GOLGA4: variants seen among roughly 807,000 people sequenced by gnomAD.
The protein encoded by GOLGA4 is golgin subfamily A member 4.
Under a neutral mutation model 265.9 loss-of-function variants are expected in GOLGA4, and 169 were observed. That is an observed-to-expected ratio of 0.64 (90% CI 0.56 to 0.72). The LOEUF (loss-of-function observed/expected upper bound fraction) is 0.72. GOLGA4 is among the 30% of genes least tolerant of loss of function. The pLI is 0.00. For missense variants in GOLGA4, 2,482 were observed against 2,483.4 expected (o/e 1.00, Z 0.01); for synonymous variants, 923 against 855.8 (o/e 1.08, Z -1.37).
At chr3:37,254,166 C>G (rs2096741811) in intron 2 of GOLGA4, among the ~76,000 whole-genome samples, 1 of 152,136 alleles carries the variant, frequency 6.6e-6, no homozygotes, top group Non-Finnish European at 1.5e-5. Context: ...AACATTACAA[C>G]TCAGTACTGC....
chr3:37,272,752 A>C (rs775103536), intron 2 of GOLGA4, among the ~76,000 whole-genome samples: 2 of 152,216 alleles, frequency 1.3e-5, no homozygotes, highest in Non-Finnish European at 2.9e-5. Flanking sequence ...TAACTACTGA[A>C]ACATAGTGGT....
chr3:37,328,321 G>A (rs1333322907), intron 14 of GOLGA4, 95 bp from the exon 15 acceptor site: 3 of 1,151,830 alleles, frequency 2.6e-6, no homozygotes, highest in Non-Finnish European at 3.7e-6. Context: ...TTCATACAAT[G>A]AACTCATACT....
chr3:37,306,561 G>A (rs962934269), intron 10 of GOLGA4, among the ~76,000 whole-genome samples: 1 of 151,000 alleles, frequency 6.6e-6, no homozygotes, highest in African/African-American at 2.4e-5. Flanking sequence ...ATAGGAGATA[G>A]GGGTAGCTAA....
intron 5 of GOLGA4, 147 bp from the exon 6 acceptor site, chr3:37,294,829 TTAA>T: frequency 1.8e-6 from 1 of 550,962 alleles, no homozygotes; most frequent in Non-Finnish European, 3.3e-6. Flanking sequence ...TTAAATAATG[TTAA>T]TGTTTTACAT....
chr3:37,281,475 A>C (rs553236849), intron 2 of GOLGA4, among the ~76,000 whole-genome samples: 168 of 152,304 alleles, frequency 1.1e-3, no homozygotes, highest in Non-Finnish European at 1.9e-3. Context: ...TACCATGTCC[A>C]TAAAGACCCT....
At chr3:37,273,560 TCTC>T in intron 2 of GOLGA4, 1 of 1,514,962 alleles carries the variant, frequency 6.6e-7, no homozygotes, top group South Asian at 1.2e-5. Context: ...TGCCTCGAAA[TCTC>T]CTGACAGTGT....
chr3:37,315,449 A>G lies in GOLGA4; in HGVS notation c.1264A>G (p.Thr422Ala). Residue 422 changes from threonine to alanine, a missense_variant, in exon 11 of 24, where the codon ACA becomes GCA. Transcript: ENST00000361924. ...AFEELEKALS[T>A]AQKTEEARRK... ...TGAGGAACTTGAAAAAGCTTTGAGT[A>G]CAGCCCAAAAAACAGAGGAAGCACG... 1.9e-6 allele frequency: 3 copies of G among 1,613,892 alleles called. No individual in the cohort carries two copies. Among genetic ancestry groups the G allele is most frequent in the South Asian group, 1.1e-5 (1 of 91,050 alleles).
At chr3:37,265,034 A>G (rs1028260972) in intron 2 of GOLGA4, among the ~76,000 whole-genome samples, 1 of 152,086 alleles carries the variant, frequency 6.6e-6, no homozygotes. Flanking sequence ...ACCATAGTAC[A>G]CTGTCCAAAC....
chr3:37,323,318 G>C (rs1435829371), intron 13 of GOLGA4, among the ~76,000 whole-genome samples: 1 of 151,980 alleles, frequency 6.6e-6, no homozygotes, highest in Non-Finnish European at 1.5e-5. Context: ...GGTAGAGACA[G>C]GGCTTTGCCA....
intron 23 of GOLGA4, 139 bp from the exon 24 acceptor site, chr3:37,365,941 G>T: frequency 1.7e-6 from 1 of 589,174 alleles, no homozygotes. Context: ...CCTTATTTCT[G>T]CCTCTTTACT....
At chr3:37,302,089 C>A (rs758790942) in intron 9 of GOLGA4, 96 bp from the exon 10 acceptor site, 79 of 1,029,906 alleles carry the variant, frequency 7.7e-5, no homozygotes, top group Non-Finnish European at 1.1e-4. Flanking sequence ...ATGCACCATG[C>A]CCGGCCTTTT....
chr3:37,274,451 G>A (rs915035605), intron 2 of GOLGA4, among the ~76,000 whole-genome samples: 2 of 152,180 alleles, frequency 1.3e-5, no homozygotes, highest in African/African-American at 2.4e-5. Context: ...CAGCACTTTA[G>A]GAGGCTGAGG....
chr3:37,297,990 C>T (rs1036722205), intron 7 of GOLGA4, among the ~76,000 whole-genome samples: 3 of 151,904 alleles, frequency 2.0e-5, no homozygotes, highest in African/African-American at 7.3e-5. Flanking sequence ...GATCATGCCA[C>T]TGCACTCCAG....
intron 10 of GOLGA4, among the ~76,000 whole-genome samples, chr3:37,313,207 GA>G (rs1319733700): frequency 6.7e-6 from 1 of 149,864 alleles, no homozygotes; most frequent in South Asian, 2.1e-4. Context: ...CATCTCAAAA[GA>G]AAAAAAAAGA....
In GOLGA4 at chr3:37,243,377, C is replaced by T. The variant is rs767885324; in HGVS notation, c.-174C>T. 71 of 596,304 alleles carry T rather than the reference C, an allele frequency of 1.2e-4. No homozygotes were observed. Among genetic ancestry groups the T allele is most frequent in the Non-Finnish European group, 2.0e-4 (68 of 332,428 alleles). The allele number at this position is 596,304 out of a possible 1,614,324, so 36.9% of individuals were successfully genotyped here. On this transcript the variant is annotated 5_prime_UTR_variant, in exon 1 of 24. Coordinates refer to ENST00000361924, the MANE Select transcript of GOLGA4 (RefSeq NM_002078.5). ...GAAAGAGACGCGGCGGCGGCGACGC[C>T]GACACCCTCAGGACGAGTGTCCGGA...
intron 21 of GOLGA4, among the ~76,000 whole-genome samples, chr3:37,354,640 C>T (rs536736636): frequency 6.6e-6 from 1 of 151,920 alleles, no homozygotes; most frequent in African/African-American, 2.4e-5. Context: ...TGAAAAATAC[C>T]TACTGAGCAT....
intron 10 of GOLGA4, among the ~76,000 whole-genome samples, chr3:37,306,887 C>G (rs2096907974): frequency 6.6e-6 from 1 of 151,888 alleles, no homozygotes; most frequent in East Asian, 1.9e-4. Flanking sequence ...TGAGATATAG[C>G]TTATTAGATC....
chr3:37,333,109 A>G (rs575982385), intron 16 of GOLGA4, among the ~76,000 whole-genome samples: 35 of 152,214 alleles, frequency 2.3e-4, no homozygotes, highest in Non-Finnish European at 3.5e-4. Flanking sequence ...GGAAGAATTC[A>G]TTTGGGAGAA....
chr3:37,327,069 G>T lies in GOLGA4; in HGVS notation c.5183G>T (p.Gly1728Val). The change falls in exon 14 of 24, where the codon GGC becomes GTC. Residue 1728 changes from glycine (G) to valine (V), a missense_variant. Physicochemically the swap from Gly to Val is moderately radical, Grantham distance 109. Around this residue, in one of 3 missense-constraint regions of GOLGA4, gnomAD observed 942 missense variants for 983.1 expected, o/e 0.96. Coordinates refer to ENST00000361924, the MANE Select transcript of GOLGA4 (RefSeq NM_002078.5). Reference protein sequence around the residue: ...YTEQEEADSQGCVQKTYEEKI... With the variant: ...YTEQEEADSQVCVQKTYEEKI... Reference sequence around the variant, plus strand: ...GAACAAGAAGAAGCAGATTCCCAAGGCTGTGTGCAGAAGACATATGAAGAA... The same window carrying T: ...GAACAAGAAGAAGCAGATTCCCAAGTCTGTGTGCAGAAGACATATGAAGAA... 2 of 1,613,852 alleles carry T rather than the reference G, an allele frequency of 1.2e-6. No homozygotes were observed. The highest frequency in any genetic ancestry group is 1.7e-6 in the Non-Finnish European group (2 of 1,179,814).
Sources: gnomAD v4.1 joint callset for allele counts (sites outside exome capture counted in the v4.1 genomes callset) on GRCh38, gnomAD v4.1.1 for gene constraint, gnomAD v4.1.1 regional missense constraint, MANE v1.5 for transcripts, NCBI Gene and HGNC (gene_info 2026-07-23, HGNC 2026-07-21) for gene names.